The following CDC42SE2 variants were observed in gnomAD, a reference collection of about 807,000 sequenced individuals.
The protein encoded by CDC42SE2 is CDC42 small effector 2, also known as CDC42 small effector protein 2.
CDC42SE2 carries 3 observed loss-of-function variants against 11.5 expected under a neutral mutation model. That is an observed-to-expected ratio of 0.26 (90% CI 0.12 to 0.67). The LOEUF (loss-of-function observed/expected upper bound fraction) is 0.67, where lower values mean the gene tolerates loss of function less well. Among genes scored for constraint, CDC42SE2 ranks in the 30% least tolerant of loss-of-function variants. The pLI, the probability that CDC42SE2 is intolerant of heterozygous loss-of-function variation, is 0.80. For missense variants in CDC42SE2, 82 were observed against 106.8 expected (o/e 0.77, Z 1.02); for synonymous variants, 33 against 34.8 (o/e 0.95, Z 0.18).
At chr5:131,322,305 C>A (rs1157577529) in intron 2 of CDC42SE2, among the ~76,000 whole-genome samples, 1 of 152,146 alleles carries the variant, frequency 6.6e-6, no homozygotes, top group Non-Finnish European at 1.5e-5. Context: ...ACTCTGTACC[C>A]ATTAGATAAC....
intron 1 of CDC42SE2, among the ~76,000 whole-genome samples, chr5:131,254,128 G>C (rs1324407753): frequency 6.6e-6 from 1 of 152,160 alleles, no homozygotes; most frequent in African/African-American, 2.4e-5. Flanking sequence ...TTGGTTTGCT[G>C]CACCCATCAA....
At chr5:131,315,743 G>C (rs1423235599) in intron 1 of CDC42SE2, among the ~76,000 whole-genome samples, 1 of 152,202 alleles carries the variant, frequency 6.6e-6, no homozygotes, top group African/African-American at 2.4e-5. Context: ...ATTCTGCCCG[G>C]TGGGTAGATA....
At chr5:131,371,626 C>T (rs898039936) in intron 3 of CDC42SE2, among the ~76,000 whole-genome samples, 4 of 152,170 alleles carry the variant, frequency 2.6e-5, no homozygotes, top group African/African-American at 9.7e-5. Flanking sequence ...TGTGGGCATG[C>T]GTGCATGCGG....
the CDC42SE2 span, among the ~76,000 whole-genome samples, chr5:131,240,183 G>T: frequency 6.6e-6 from 1 of 152,268 alleles, no homozygotes; most frequent in Admixed American, 6.5e-5. Context: ...TTATGCAACA[G>T]TTTTCTAAAT....
At chr5:131,273,734 C>G (rs1452389086) in intron 1 of CDC42SE2, among the ~76,000 whole-genome samples, 1 of 150,384 alleles carries the variant, frequency 6.6e-6, no homozygotes, top group Non-Finnish European at 1.5e-5. Context: ...GATCGCACCA[C>G]TGCACTCCAG....
intron 1 of CDC42SE2, among the ~76,000 whole-genome samples, chr5:131,267,147 C>T (rs976118110): frequency 1.3e-5 from 2 of 150,656 alleles, no homozygotes; most frequent in Non-Finnish European, 2.9e-5. Flanking sequence ...CTCCACCTCC[C>T]TGGTTCAAGC....
chr5:131,320,414 A>C (rs963196690), intron 2 of CDC42SE2, among the ~76,000 whole-genome samples: 3 of 140,118 alleles, frequency 2.1e-5, no homozygotes, highest in African/African-American at 5.2e-5. Context: ...AATAAGATTA[A>C]AAAAAAAAAA....
At chr5:131,217,394 T>C in the CDC42SE2 span, among the ~76,000 whole-genome samples, 2 of 152,202 alleles carry the variant, frequency 1.3e-5, no homozygotes, top group Non-Finnish European at 2.9e-5. Flanking sequence ...CATTCCAAAT[T>C]TGGCACATAA....
chr5:131,334,635 A>G (rs1758509254), intron 2 of CDC42SE2, among the ~76,000 whole-genome samples: 2 of 152,282 alleles, frequency 1.3e-5, no homozygotes, highest in Non-Finnish European at 1.5e-5. Context: ...TGTTGCCTCA[A>G]TTTCAGATCC....
At chr5:131,315,870 C>CTAGCT in intron 1 of CDC42SE2, 106 bp from the exon 2 acceptor site, 1 of 152,208 alleles carries the variant, frequency 6.6e-6, no homozygotes, top group South Asian at 2.1e-4. Flanking sequence ...CTTAGTGAGC[C>CTAGCT]TAGTGTTTGA....
chr5:131,248,692 A>T (rs973034666), intron 1 of CDC42SE2, among the ~76,000 whole-genome samples: 1 of 152,240 alleles, frequency 6.6e-6, no homozygotes, highest in Non-Finnish European at 1.5e-5. Flanking sequence ...CATAAAGAGA[A>T]TAAACTGTTT....
In CDC42SE2 at chr5:131,393,054, T is replaced by G. The variant is rs118046582; in HGVS notation, c.*1963T>G. ...AGGTTTCTTCTTTTCTGTTAGAGTG[T>G]GGTGTTAAGCCAGAGTCAGTGGTTT... On this transcript the variant is annotated 3_prime_UTR_variant, in exon 5 of 5. Coordinates refer to ENST00000505065, the MANE Select transcript of CDC42SE2 (RefSeq NM_001375635.1). 7.2e-4 allele frequency: 110 copies of G among 152,458 alleles called. No individual in the cohort carries two copies. The East Asian group carries it at 0.02, about 28-fold the overall frequency. 9.4% of individuals were successfully genotyped at this position (152,458 alleles called of 1,614,324 possible).
At chr5:131,305,819 A>C (rs1757767357) in intron 1 of CDC42SE2, among the ~76,000 whole-genome samples, 1 of 152,208 alleles carries the variant, frequency 6.6e-6, no homozygotes, top group African/African-American at 2.4e-5. Flanking sequence ...TAAAAAAACT[A>C]AAAATTGCTC....
intron 3 of CDC42SE2, among the ~76,000 whole-genome samples, chr5:131,362,371 G>C (rs1308902254): frequency 2.0e-5 from 3 of 152,126 alleles, no homozygotes; most frequent in Non-Finnish European, 4.4e-5. Flanking sequence ...TGGAGGAATA[G>C]CTTGCTTGTT....
intron 2 of CDC42SE2, among the ~76,000 whole-genome samples, chr5:131,333,070 A>T (rs966666021): frequency 6.6e-6 from 1 of 152,180 alleles, no homozygotes; most frequent in African/African-American, 2.4e-5. Context: ...GGTATTGCCT[A>T]GGTTTTCTTC....
intron 1 of CDC42SE2, among the ~76,000 whole-genome samples, chr5:131,247,464 A>G (rs956649826): frequency 3.9e-5 from 6 of 151,996 alleles, no homozygotes; most frequent in Non-Finnish European, 8.8e-5. Context: ...TAAAAATACA[A>G]AAAACTTAGC....
intron 2 of CDC42SE2, among the ~76,000 whole-genome samples, chr5:131,328,905 G>C (rs1035497142): frequency 6.6e-6 from 1 of 152,280 alleles, no homozygotes; most frequent in African/African-American, 2.4e-5. Context: ...ATTCTGATTG[G>C]GATTTGTTTT....
chr5:131,349,480 A>G (rs149166060), intron 2 of CDC42SE2, among the ~76,000 whole-genome samples: 2 of 152,238 alleles, frequency 1.3e-5, no homozygotes, highest in Non-Finnish European at 2.9e-5. Context: ...ACTAGTACTT[A>G]AAGTATAATA....
chr5:131,354,630 AT>A (rs1235115251), intron 2 of CDC42SE2: 9 of 151,488 alleles, frequency 5.9e-5, no homozygotes, highest in South Asian at 2.1e-4. Flanking sequence ...ACCTTTTTTC[AT>A]TTTCTTCATT....
Sources: gnomAD v4.1 joint callset for allele counts (sites outside exome capture counted in the v4.1 genomes callset) on GRCh38, gnomAD v4.1.1 for gene constraint, MANE v1.5 for transcripts, NCBI Gene and HGNC (gene_info 2026-07-23, HGNC 2026-07-21) for gene names.